The following ARHGAP22 variants were observed in gnomAD, a reference collection of about 807,000 sequenced individuals.
ARHGAP22 encodes the protein rho GTPase-activating protein 22.
Under a neutral mutation model 59.1 loss-of-function variants are expected in ARHGAP22, and 48 were observed. That is an observed-to-expected ratio of 0.81 (90% CI 0.64 to 1.03). ARHGAP22 has a LOEUF of 1.03. ARHGAP22 is among the 50% of genes least tolerant of loss of function. The probability of loss-of-function intolerance (pLI) is 0.00; values close to 1 mark genes in which losing one functional copy is unlikely to be tolerated. For missense variants in ARHGAP22, 1,015 were observed against 958.7 expected (o/e 1.06, Z -0.78); for synonymous variants, 445 against 416.4 (o/e 1.07, Z -0.84).
intron 3 of ARHGAP22, among the ~76,000 whole-genome samples, chr10:48,506,809 G>A (rs184099749): frequency 2.0e-5 from 3 of 152,218 alleles, no homozygotes; most frequent in East Asian, 1.9e-4. Flanking sequence ...AGATGTTCTC[G>A]CATTCAAGCC....
chr10:48,603,100 C>T (rs755816493), intron 1 of ARHGAP22, among the ~76,000 whole-genome samples: 3 of 152,216 alleles, frequency 2.0e-5, no homozygotes, highest in Non-Finnish European at 4.4e-5. Flanking sequence ...GGCCTATACG[C>T]ACTAGATGCC....
chr10:48,563,051 T>C (rs554044941), intron 2 of ARHGAP22, among the ~76,000 whole-genome samples: 3 of 152,166 alleles, frequency 2.0e-5, no homozygotes, highest in Non-Finnish European at 4.4e-5. Context: ...AAAGTCTTCC[T>C]GCACCCTTCC....
intron 2 of ARHGAP22, among the ~76,000 whole-genome samples, chr10:48,578,901 G>A (rs1362428033): frequency 1.3e-5 from 2 of 151,450 alleles, no homozygotes; most frequent in South Asian, 2.1e-4. Context: ...ACATTTACTT[G>A]CTTACCTTTT....
intron 1 of ARHGAP22, among the ~76,000 whole-genome samples, chr10:48,617,623 T>C (rs1371520556): frequency 6.6e-6 from 1 of 151,870 alleles, no homozygotes. Flanking sequence ...ATAAAGACAT[T>C]TAAAAAACTT....
chr10:48,459,606 G>C (rs1172982728), intron 5 of ARHGAP22, 78 bp downstream of exon 5: 1 of 1,515,674 alleles, frequency 6.6e-7, no homozygotes, highest in African/African-American at 1.4e-5. Flanking sequence ...CCTGCCCACT[G>C]GAGCTGGTGT....
At chr10:48,435,629 G>GTAGGCAATCCTACT in the ARHGAP22 span, 2 of 152,150 alleles carry the variant, frequency 1.3e-5, no homozygotes, top group African/African-American at 4.8e-5. Context: ...ACAAGAATTG[G>GTAGGCAATCCTACT]TAGGCAATCC....
intron 1 of ARHGAP22, among the ~76,000 whole-genome samples, chr10:48,600,587 G>A (rs1166710421): frequency 6.6e-6 from 1 of 151,722 alleles, no homozygotes; most frequent in Non-Finnish European, 1.5e-5. Flanking sequence ...TGTGATTTGA[G>A]GCCACTCTTG....
chr10:48,498,663 G>T (rs952240320), intron 3 of ARHGAP22, among the ~76,000 whole-genome samples: 13 of 152,292 alleles, frequency 8.5e-5, no homozygotes, highest in South Asian at 2.1e-4. Flanking sequence ...GCGTAAGAAG[G>T]GCAGCAGCCA....
chr10:48,450,228 C>T (rs1324072196), intron 9 of ARHGAP22, 33 bp downstream of exon 9: 1 of 1,600,190 alleles, frequency 6.2e-7, no homozygotes, highest in Admixed American at 1.7e-5. Context: ...GGCTCCGCCC[C>T]GTCACAGGAG....
rs80251215 is a variant in ARHGAP22 at position 48,626,764 on chromosome 10, T to G, written c.52+25470A>C. On this transcript the variant is annotated intron_variant, in intron 1 of 9. Transcript: ENST00000435790. ...GCATGAGCTCCTAAAACCCTGGGAATTTCCTGAGTAACAGAAGTGAGGGGA... is the reference window on the plus strand; with the variant it reads ...GCATGAGCTCCTAAAACCCTGGGAAGTTCCTGAGTAACAGAAGTGAGGGGA... Among the ~76,000 whole-genome samples, 1,302 of 152,252 alleles carry G rather than the reference T, an allele frequency of 8.6e-3. 10 individuals carry two copies. The highest frequency in any genetic ancestry group is 0.031 in the Middle Eastern group (9 of 294).
intron 3 of ARHGAP22, among the ~76,000 whole-genome samples, chr10:48,518,460 G>A (rs1028699786): frequency 5.3e-5 from 8 of 152,240 alleles, no homozygotes; most frequent in African/African-American, 1.9e-4. Context: ...TGGCAAGTGA[G>A]CAAACAACAG....
chr10:48,626,370 C>T (rs901218536), intron 1 of ARHGAP22, among the ~76,000 whole-genome samples: 1 of 152,162 alleles, frequency 6.6e-6, no homozygotes, highest in Admixed American at 6.5e-5. Context: ...GGACCAAGGA[C>T]ATCTACCCCT....
intron 1 of ARHGAP22, among the ~76,000 whole-genome samples, chr10:48,631,663 T>A (rs952891533): frequency 6.6e-6 from 1 of 152,184 alleles, no homozygotes; most frequent in Non-Finnish European, 1.5e-5. Flanking sequence ...AGTTCCTCCA[T>A]CCTGTTCCTT....
intron 2 of ARHGAP22, among the ~76,000 whole-genome samples, chr10:48,567,200 T>G (rs2058097952): frequency 6.6e-6 from 1 of 152,220 alleles, no homozygotes; most frequent in Admixed American, 6.5e-5. Context: ...CAGCCTCATC[T>G]CACTGTATTC....
At chr10:48,431,568 A>G in the ARHGAP22 span, among the ~76,000 whole-genome samples, 1 of 152,206 alleles carries the variant, frequency 6.6e-6, no homozygotes, top group African/African-American at 2.4e-5. Flanking sequence ...AAAATTCAAT[A>G]TACATACCTT....
intron 4 of ARHGAP22, 33 bp downstream of exon 4, chr10:48,479,603 C>T (rs2049085047): frequency 6.8e-6 from 11 of 1,613,762 alleles, no homozygotes; most frequent in Non-Finnish European, 9.3e-6. Context: ...GGCAAGGGTT[C>T]TAGAGGGTGG....
At chr10:48,454,958 C>T in intron 6 of ARHGAP22, 44 bp downstream of exon 6, 2 of 1,530,004 alleles carry the variant, frequency 1.3e-6, no homozygotes, top group Non-Finnish European at 1.8e-6. Flanking sequence ...AGGCTGCCAC[C>T]CAGCCAGCCC....
intron 7 of ARHGAP22, 75 bp downstream of exon 7, chr10:48,454,013 C>G: frequency 6.9e-7 from 1 of 1,455,664 alleles, no homozygotes. Context: ...GGAAGAGTTG[C>G]GTGTCTCGCT....
chr10:48,608,242 T>A (rs1035044344), upstream of ARHGAP22, among the ~76,000 whole-genome samples: 3 of 152,176 alleles, frequency 2.0e-5, no homozygotes, highest in African/African-American at 7.2e-5. Context: ...GGAAAGGGCA[T>A]CTGTCCCAAG....
Sources: allele counts gnomAD v4.1 joint callset (sites outside exome capture counted in the v4.1 genomes callset), GRCh38; gene constraint gnomAD v4.1.1; transcripts MANE v1.5; gene names NCBI Gene and HGNC (gene_info 2026-07-23, HGNC 2026-07-21).